The following PCDHGB2 variants were observed in gnomAD, a reference collection of about 807,000 sequenced individuals.
The protein encoded by PCDHGB2 is protocadherin gamma subfamily B, 2.
Under a neutral mutation model 59.3 loss-of-function variants are expected in PCDHGB2, and 55 were observed. The observed-to-expected ratio is 0.93, with a 90% confidence interval of 0.75 to 1.16. The LOEUF (loss-of-function observed/expected upper bound fraction) is 1.16. Ranked by LOEUF, PCDHGB2 falls within the 50% of genes most tolerant of loss-of-function variation. The probability of loss-of-function intolerance (pLI) is 0.00; values close to 1 mark genes in which losing one functional copy is unlikely to be tolerated. For missense variants in PCDHGB2, 1,228 were observed against 1,198.5 expected (o/e 1.02, Z -0.36); for synonymous variants, 516 against 512.0 (o/e 1.01, Z -0.11).
chr5:141,375,475 C>T (rs774489564), intron 1 of PCDHGB2: 2 of 1,614,002 alleles, frequency 1.2e-6, no homozygotes, highest in East Asian at 2.2e-5. Context: ...TCCTTGAAAA[C>T]AACCCCAGGG....
chr5:141,495,032 G>T, intron 2 of PCDHGB2, 167 bp downstream of exon 2: 1 of 967,732 alleles, frequency 1.0e-6, no homozygotes, highest in Non-Finnish European at 1.2e-6. Flanking sequence ...GACCCCGGAA[G>T]GAAGAGGCGA....
At chr5:141,374,514 A>G (rs762655024) in intron 1 of PCDHGB2, 6 of 1,612,112 alleles carry the variant, frequency 3.7e-6, no homozygotes, top group Non-Finnish European at 4.2e-6. Context: ...AAAATTCTCG[A>G]AAACGCAGCT....
chr5:141,434,650 C>A (rs931043426), intron 1 of PCDHGB2, among the ~76,000 whole-genome samples: 6 of 152,092 alleles, frequency 3.9e-5, no homozygotes, highest in Non-Finnish European at 5.9e-5. Context: ...TTTAGTTAAT[C>A]TAATATCTAT....
In PCDHGB2 at chr5:141,399,258, G is replaced by T; in HGVS notation, c.2421+36702G>T. On this transcript the variant is annotated intron_variant, in intron 1 of 3. Coordinates refer to ENST00000522605, the MANE Select transcript of PCDHGB2 (RefSeq NM_018923.3). ...ACCAAGATTCTGGGGAAAATGGGGA[G>T]GTTAATTGTCAATTACAAGGCGAAG... 4 of 1,613,870 alleles carry T rather than the reference G, an allele frequency of 2.5e-6. No homozygotes were observed. Among genetic ancestry groups the T allele is most frequent in the East Asian group, 2.2e-5 (1 of 44,878 alleles).
At chr5:141,370,900 A>G (rs1561548541) in intron 1 of PCDHGB2, 1 of 1,613,950 alleles carries the variant, frequency 6.2e-7, no homozygotes, top group African/African-American at 1.3e-5. Flanking sequence ...TCGCTGCAGC[A>G]GTACTACCTC....
chr5:141,473,254 T>C (rs1203765731), intron 1 of PCDHGB2, among the ~76,000 whole-genome samples: 5 of 152,152 alleles, frequency 3.3e-5, no homozygotes, highest in African/African-American at 4.8e-5. Context: ...ACATATATAG[T>C]CCTTAGTGTA....
chr5:141,364,207 C>A, intron 1 of PCDHGB2: 1 of 1,184,312 alleles, frequency 8.4e-7, no homozygotes, highest in Non-Finnish European at 1.2e-6. Context: ...ACCAGACAAG[C>A]TCCTACGAAA....
intron 1 of PCDHGB2, chr5:141,398,674 A>T: frequency 6.2e-7 from 1 of 1,614,010 alleles, no homozygotes; most frequent in Non-Finnish European, 8.5e-7. Context: ...ATTAATAATT[A>T]AGGAGAAACA....
intron 2 of PCDHGB2, among the ~76,000 whole-genome samples, chr5:141,504,118 G>A (rs948008198): frequency 6.6e-6 from 1 of 152,096 alleles, no homozygotes; most frequent in African/African-American, 2.4e-5. Flanking sequence ...GTGTGCCAGG[G>A]CTGTTTCCCG....
intron 1 of PCDHGB2, among the ~76,000 whole-genome samples, chr5:141,444,095 T>C (rs1012556994): frequency 2.0e-5 from 3 of 150,676 alleles, no homozygotes; most frequent in Admixed American, 1.3e-4. Flanking sequence ...CTGCTAAGGA[T>C]TGGAAACCAA....
chr5:141,411,538 C>G (rs1418802121), intron 1 of PCDHGB2: 1 of 152,268 alleles, frequency 6.6e-6, no homozygotes, highest in Non-Finnish European at 1.5e-5. Context: ...GAGCCCTGAT[C>G]TTGCCACTGC....
At chr5:141,461,441 T>A (rs959248029) in intron 1 of PCDHGB2, among the ~76,000 whole-genome samples, 7 of 152,194 alleles carry the variant, frequency 4.6e-5, no homozygotes, top group Admixed American at 4.6e-4. Flanking sequence ...TACCTTCTTT[T>A]GAGAAATGGC....
At position 141,485,402 on chromosome 5, in the gene PCDHGB2, G is replaced by T. The variant is rs375700791; in HGVS notation, c.2422-9405G>T. ...AGAGGTGAACCAAAGACACTTCCGTGTGGATTTGGACAGCGGAGCCCTGCT... is the reference window on the plus strand; with the variant it reads ...AGAGGTGAACCAAAGACACTTCCGTTTGGATTTGGACAGCGGAGCCCTGCT... On this transcript the variant is annotated intron_variant, in intron 1 of 3. Coordinates refer to ENST00000522605, the MANE Select transcript of PCDHGB2 (RefSeq NM_018923.3). This position sits in a 1 kb window ranked among gnomAD's most constrained non-coding sequence, Gnocchi z 5.7. The T allele has an allele frequency of 6.2e-7, 1 of 1,614,194 alleles. No homozygotes were observed. Among genetic ancestry groups the T allele is most frequent in the East Asian group, 2.2e-5 (1 of 44,878 alleles).
intron 1 of PCDHGB2, among the ~76,000 whole-genome samples, chr5:141,483,547 G>A (rs1202182188): frequency 6.6e-6 from 1 of 152,140 alleles, no homozygotes. Context: ...GGTTGACAGT[G>A]CCATTCACAG....
At chr5:141,366,535 G>T (rs1463456881) in intron 1 of PCDHGB2, 2 of 1,614,262 alleles carry the variant, frequency 1.2e-6, no homozygotes. Context: ...TGGCGGGTGT[G>T]CCCGCCTCGC....
intron 1 of PCDHGB2, chr5:141,421,203 G>A (rs779780797): frequency 2.6e-6 from 4 of 1,522,494 alleles, no homozygotes; most frequent in African/African-American, 1.4e-5. Context: ...TCGAGAAACC[G>A]CGGAATATCG....
In PCDHGB2 at chr5:141,408,872, G is replaced by T. The variant is rs752537671; in HGVS notation, c.2421+46316G>T. 3.1e-6 allele frequency: 5 copies of T among 1,613,448 alleles called. No individual in the cohort carries two copies. The highest frequency in any genetic ancestry group is 4.2e-6 in the Non-Finnish European group (5 of 1,179,760). Reference sequence around the variant, plus strand: ...GGACGGAGGGGACCCACCAAGAAGTGCCACCGCTCACATAGAAATTTCTGT... The same window carrying T: ...GGACGGAGGGGACCCACCAAGAAGTTCCACCGCTCACATAGAAATTTCTGT... On this transcript the variant is annotated intron_variant, in intron 1 of 3. Transcript: ENST00000522605.
rs373882091 is a variant in PCDHGB2 at position 141,432,369 on chromosome 5, A to T, written c.2422-62438A>T. 1.2e-6 allele frequency: 2 copies of T among 1,614,104 alleles called. No homozygotes were observed. Among genetic ancestry groups the T allele is most frequent in the African/African-American group, 2.7e-5 (2 of 74,938 alleles). On this transcript the variant is annotated intron_variant, in intron 1 of 3. Transcript: ENST00000522605. The surrounding 1 kb of genome is among the most constrained non-coding windows in gnomAD (Gnocchi z 6.0). Reference sequence around the variant, plus strand: ...CAAGTGAAAGTGATGGCGCGGGACAACGGGCACCCGCCCCTCAGCAGCAAC... The same window carrying T: ...CAAGTGAAAGTGATGGCGCGGGACATCGGGCACCCGCCCCTCAGCAGCAAC...
At chr5:141,464,009 T>C (rs1187492781) in intron 1 of PCDHGB2, among the ~76,000 whole-genome samples, 1 of 151,950 alleles carries the variant, frequency 6.6e-6, no homozygotes. Context: ...CTCATGCTTG[T>C]AATCCCACAC....
Sources: gnomAD v4.1 joint callset for allele counts (sites outside exome capture counted in the v4.1 genomes callset) on GRCh38, gnomAD v4.1.1 for gene constraint, Gnocchi (gnomAD v3.1) non-coding constraint, MANE v1.5 for transcripts, NCBI Gene and HGNC (gene_info 2026-07-23, HGNC 2026-07-21) for gene names.